Variants in ANKRD6 observed in about 807,000 individuals in gnomAD.
ANKRD6 encodes ankyrin repeat domain 6.
In ANKRD6, 56 loss-of-function variants were observed where a neutral mutation model predicts 82.3. The ratio of observed to expected loss-of-function variants is 0.68; its 90% confidence interval spans 0.55 to 0.85. The LOEUF is 0.85. Among genes scored for constraint, ANKRD6 ranks in the 40% least tolerant of loss-of-function variants. The pLI is 0.00. For missense variants in ANKRD6, 852 were observed against 907.6 expected (o/e 0.94, Z 0.79); for synonymous variants, 347 against 352.1 (o/e 0.99, Z 0.16).
intron 1 of ANKRD6, among the ~76,000 whole-genome samples, chr6:89,491,203 A>G (rs1238677216): frequency 6.6e-6 from 1 of 152,216 alleles, no homozygotes; most frequent in Non-Finnish European, 1.5e-5. Flanking sequence ...CCAAGCCACC[A>G]CATTTGTGGT....
intron 1 of ANKRD6, among the ~76,000 whole-genome samples, chr6:89,451,144 C>A (rs1389230302): frequency 6.6e-6 from 1 of 152,070 alleles, no homozygotes; most frequent in African/African-American, 2.4e-5. Flanking sequence ...CCCATCTCTA[C>A]AAAAAATACA....
At chr6:89,488,879 T>TATTCTATTCC in intron 1 of ANKRD6, among the ~76,000 whole-genome samples, 1 of 142,594 alleles carries the variant, frequency 7.0e-6, no homozygotes, top group South Asian at 2.2e-4. Context: ...TATTCTATTC[T>TATTCTATTCC]ATTCTATTCT....
intron 2 of ANKRD6, among the ~76,000 whole-genome samples, chr6:89,586,287 C>A (rs1352934712): frequency 6.6e-6 from 1 of 152,156 alleles, no homozygotes; most frequent in Non-Finnish European, 1.5e-5. Flanking sequence ...TTCTTGTTTT[C>A]TGGTTTTTGT....
intron 7 of ANKRD6, among the ~76,000 whole-genome samples, chr6:89,614,614 A>G (rs1426971300): frequency 4.6e-5 from 7 of 152,176 alleles, no homozygotes; most frequent in Non-Finnish European, 1.0e-4. Flanking sequence ...CTACTGTACT[A>G]CAACCTGGGC....
At chr6:89,607,266 AAG>A (rs1173789264) in intron 5 of ANKRD6, among the ~76,000 whole-genome samples, 3 of 152,140 alleles carry the variant, frequency 2.0e-5, no homozygotes, top group African/African-American at 7.2e-5. Flanking sequence ...AAATATGGAA[AAG>A]AAAAAAATAA....
At chr6:89,438,213 A>G (rs377529133) in intron 1 of ANKRD6, among the ~76,000 whole-genome samples, 8 of 152,302 alleles carry the variant, frequency 5.3e-5, no homozygotes, top group Admixed American at 3.3e-4. Context: ...TCCAAACCTC[A>G]GTGGTTTAAT....
At chr6:89,616,857 T>G in intron 8 of ANKRD6, 200 bp downstream of exon 8, 1 of 684,984 alleles carries the variant, frequency 1.5e-6, no homozygotes, top group Non-Finnish European at 2.7e-6. Context: ...TTGACAAGCC[T>G]TGGGGCCTGC....
chr6:89,584,708 T>C (rs1793327073), intron 2 of ANKRD6, among the ~76,000 whole-genome samples: 1 of 152,198 alleles, frequency 6.6e-6, no homozygotes, highest in Admixed American at 6.5e-5. Flanking sequence ...TGGGTCAACA[T>C]CAGTGTAATC....
chr6:89,595,116 C>T (rs1222223741), intron 2 of ANKRD6, among the ~76,000 whole-genome samples: 4 of 152,082 alleles, frequency 2.6e-5, no homozygotes, highest in Non-Finnish European at 5.9e-5. Context: ...GTAATCCTAG[C>T]ACTTCGGGAG....
At chr6:89,531,813 A>C (rs377288841) in intron 1 of ANKRD6, among the ~76,000 whole-genome samples, 1 of 152,254 alleles carries the variant, frequency 6.6e-6, no homozygotes, top group Non-Finnish European at 1.5e-5. Flanking sequence ...GGTTGTGTGT[A>C]TATAGAGAAA....
intron 1 of ANKRD6, among the ~76,000 whole-genome samples, chr6:89,473,899 G>C (rs1284010662): frequency 1.3e-5 from 2 of 152,122 alleles, no homozygotes; most frequent in Admixed American, 1.3e-4. Context: ...AGACTCGCTT[G>C]AACCCAGGAA....
chr6:89,462,236 T>TAATAAAAAA (rs1554214167), intron 1 of ANKRD6, among the ~76,000 whole-genome samples: 20 of 122,028 alleles, frequency 1.6e-4, no homozygotes, highest in Middle Eastern at 4.3e-3. Flanking sequence ...CATCTCAAAA[T>TAATAAAAAA]AATAATAATA....
chr6:89,624,586 G>C lies in ANKRD6; in HGVS notation c.1266G>C (p.Glu422Asp), dbSNP rs1402711967. 1 of 1,558,678 alleles carries C rather than the reference G, an allele frequency of 6.4e-7. No individual in the cohort carries two copies. Among genetic ancestry groups the C allele is most frequent in the East Asian group, 2.4e-5 (1 of 41,558 alleles). The change falls in exon 13 of 16, where the codon GAG becomes GAC. Residue 422 changes from glutamate (E) to aspartate (D), a missense_variant. By Grantham distance (45) the Glu-to-Asp change is conservative. Coordinates refer to ENST00000339746, the MANE Select transcript of ANKRD6 (RefSeq NM_001242809.2). ...CRCEPLINKL[E>D]NQLEATVEEI... Reference sequence around the variant, plus strand: ...GTGAACCTCTAATCAACAAGCTGGAGAATCAGTTGGAGGCTACTGTGGAGG... The same window carrying C: ...GTGAACCTCTAATCAACAAGCTGGACAATCAGTTGGAGGCTACTGTGGAGG...
chr6:89,442,656 AAGAC>A (rs2127940510), intron 1 of ANKRD6, among the ~76,000 whole-genome samples: 1 of 151,482 alleles, frequency 6.6e-6, no homozygotes, highest in East Asian at 1.9e-4. Flanking sequence ...AAAAAAAAAA[AAGAC>A]AGCAATCATT....
At chr6:89,554,755 AG>A (rs1430151190) in intron 1 of ANKRD6, among the ~76,000 whole-genome samples, 1 of 152,200 alleles carries the variant, frequency 6.6e-6, no homozygotes, top group Non-Finnish European at 1.5e-5. Context: ...AGAGTCTGAG[AG>A]GAAAGACATT....
In ANKRD6 at chr6:89,560,653, G is replaced by A. The variant is rs191729819; in HGVS notation, c.-143-6181G>A. 1.6e-4 allele frequency among the ~76,000 whole-genome samples: 25 copies of A among 152,150 alleles called. No homozygotes were observed. The East Asian group carries it at 2.9e-3, about 18-fold the overall frequency. On this transcript the variant is annotated intron_variant, in intron 1 of 15. Coordinates refer to ENST00000339746, the MANE Select transcript of ANKRD6 (RefSeq NM_001242809.2). ...AGCCTGGCCAACATGGTGAAACCCC[G>A]TCTCTGCTAAAATACAAAAATTGGC...
intron 1 of ANKRD6, among the ~76,000 whole-genome samples, chr6:89,441,822 G>A (rs1025217253): frequency 6.6e-6 from 1 of 150,844 alleles, no homozygotes; most frequent in African/African-American, 2.4e-5. Flanking sequence ...AGTAGAGATG[G>A]GGTTTCACCA....
At chr6:89,622,266 G>T (rs976715870) in intron 10 of ANKRD6, among the ~76,000 whole-genome samples, 1 of 152,226 alleles carries the variant, frequency 6.6e-6, no homozygotes, top group Non-Finnish European at 1.5e-5. Flanking sequence ...TACACGTGGG[G>T]GGCACACTTA....
At chr6:89,595,814 C>G in intron 2 of ANKRD6, 102 bp from the exon 3 acceptor site, 1 of 841,784 alleles carries the variant, frequency 1.2e-6, no homozygotes, top group Admixed American at 2.1e-5. Context: ...AGGGAGTGAT[C>G]ATCCGAAAGC....
Sources: gnomAD v4.1 joint callset for allele counts (sites outside exome capture counted in the v4.1 genomes callset) on GRCh38, gnomAD v4.1.1 for gene constraint, MANE v1.5 for transcripts, NCBI Gene and HGNC (gene_info 2026-07-23, HGNC 2026-07-21) for gene names.